The following MIA2 variants were observed in gnomAD, a reference collection of about 807,000 sequenced individuals.
MIA2 encodes the protein melanoma inhibitory activity protein 2.
A neutral mutation model predicts 167.8 loss-of-function variants in MIA2; 127 were observed. The ratio of observed to expected loss-of-function variants is 0.76; its 90% confidence interval spans 0.66 to 0.88. MIA2 has a LOEUF of 0.88. MIA2 is among the 40% of genes least tolerant of loss of function. The pLI is 0.00. For synonymous variants in MIA2, 552 were observed against 541.9 expected (o/e 1.02, Z -0.26); for missense variants, 1,690 against 1,624.7 (o/e 1.04, Z -0.69).
intron 9 of MIA2, among the ~76,000 whole-genome samples, chr14:39,287,441 G>A (rs538992015): frequency 6.6e-6 from 1 of 152,172 alleles, no homozygotes; most frequent in South Asian, 2.1e-4. Context: ...GATCTTAATG[G>A]AAAAGGTTTC....
rs761000357 is a variant in MIA2, at chr14:39,313,403, A to G, written c.3081A>G (p.Glu1027=). 1.2e-6 allele frequency: 2 copies of G among 1,604,318 alleles called. No individual in the cohort carries two copies. The highest frequency in any genetic ancestry group is 1.3e-5 in the African/African-American group (1 of 74,642). The part of the protein sequence containing the change: ...EKEEKLSKVD[E]KISHATEELE... ...AAGAGAAACTTTCTAAAGTAGATGA[A>G]AAGATCAGCCATGCCACTGAAGAGC... Residue 1027 remains glutamate, a synonymous_variant, in exon 19 of 29, where the codon GAA becomes GAG. Coordinates refer to ENST00000640607, the MANE Select transcript of MIA2 (RefSeq NM_001329214.4).
intron 13 of MIA2, among the ~76,000 whole-genome samples, chr14:39,295,372 T>A (rs535735681): frequency 1.6e-4 from 25 of 152,162 alleles, no homozygotes; most frequent in Non-Finnish European, 3.4e-4. Flanking sequence ...ACAATTCTGG[T>A]GGCAGATCAC....
chr14:39,357,615 T>G (rs1424011911), intron 23 of MIA2, among the ~76,000 whole-genome samples: 1 of 152,202 alleles, frequency 6.6e-6, no homozygotes, highest in African/African-American at 2.4e-5. Context: ...CTGGTTATTT[T>G]GCTCGTTAGT....
chr14:39,352,654 A>C (rs1408841555), downstream of MIA2, among the ~76,000 whole-genome samples: 1 of 152,058 alleles, frequency 6.6e-6, no homozygotes, highest in Non-Finnish European at 1.5e-5. Flanking sequence ...CTATAACTGT[A>C]CTTCTTCCCA....
chr14:39,246,303 GC>G (rs2054306680), intron 3 of MIA2, among the ~76,000 whole-genome samples: 1 of 151,874 alleles, frequency 6.6e-6, no homozygotes, highest in Non-Finnish European at 1.5e-5. Flanking sequence ...CGCCATGTTG[GC>G]CAGGCTGGTC....
intron 23 of MIA2, among the ~76,000 whole-genome samples, chr14:39,356,569 A>G (rs1487729252): frequency 6.6e-6 from 1 of 151,852 alleles, no homozygotes; most frequent in Admixed American, 6.6e-5. Flanking sequence ...TTCTGCTCTG[A>G]TATTACTTAT....
Position 39,277,762 on chromosome 14 carries a change from A to ATGTGTGTG in MIA2, c.2019+698_2019+699insGTGTGTGT, listed in dbSNP as rs2058355345. Reference sequence around the variant, plus strand: ...TATATATGTGTGTATATATATATATATATATATATATATATATATTTATAT... The same window carrying ATGTGTGTG: ...TATATATGTGTGTATATATATATATATGTGTGTGTATATATATATATATATATTTATAT... On this transcript the variant is annotated intron_variant, in intron 7 of 28. Coordinates refer to ENST00000640607, the MANE Select transcript of MIA2 (RefSeq NM_001329214.4). Among the ~76,000 whole-genome samples the ATGTGTGTG allele has an allele frequency of 5.7e-5, 2 of 35,346 alleles. 1 individual carries two copies. The highest frequency in any genetic ancestry group is 9.7e-5 in the Non-Finnish European group (2 of 20,628). The allele number at this position is 35,346 out of a possible 152,430, so 23.2% of individuals were successfully genotyped here. A position where few individuals can be genotyped will look rare whatever the true frequency, so the allele number is the denominator to read the frequency against.
chr14:39,247,209 T>A lies in MIA2; in HGVS notation c.635T>A (p.Val212Glu), dbSNP rs750037827. 1.2e-6 allele frequency: 2 copies of A among 1,614,096 alleles called. No individual in the cohort carries two copies. The highest frequency in any genetic ancestry group is 1.1e-5 in the South Asian group (1 of 91,068). The change falls in exon 4 of 29, where the codon GTG (valine) becomes GAG (glutamate). Residue 212 changes from valine to glutamate, a missense_variant. Val to Glu is a moderately radical substitution (Grantham distance 121, BLOSUM62 -2). Transcript: ENST00000640607. Reference sequence around the variant, plus strand: ...ATGGAACAGGATCGTATTCCAGAAGTGCATGTCCCACCATCTTCAGCTGTG... The same window carrying A: ...ATGGAACAGGATCGTATTCCAGAAGAGCATGTCCCACCATCTTCAGCTGTG... ...ESMEQDRIPE[V>E]HVPPSSAVSG...
chr14:39,279,643 G>A (rs2058646076), intron 9 of MIA2, 106 bp downstream of exon 9: 1 of 702,822 alleles, frequency 1.4e-6, no homozygotes, highest in Non-Finnish European at 2.3e-6. Flanking sequence ...TTTGTTTGCA[G>A]AGTATGAGAG....
chr14:39,313,216 G>A, intron 18 of MIA2, 124 bp from the exon 19 acceptor site: 1 of 468,618 alleles, frequency 2.1e-6, no homozygotes, highest in Non-Finnish European at 3.8e-6. Flanking sequence ...CCTTGTAGGT[G>A]ATGTTTTCAG....
At chr14:39,290,225 G>A (rs892564457) in intron 9 of MIA2, among the ~76,000 whole-genome samples, 1 of 152,116 alleles carries the variant, frequency 6.6e-6, no homozygotes, top group Admixed American at 6.6e-5. Flanking sequence ...CTTCTAGGGG[G>A]AATAGAAATG....
intron 18 of MIA2, among the ~76,000 whole-genome samples, chr14:39,311,514 G>A (rs2064266612): frequency 8.2e-6 from 1 of 122,152 alleles, no homozygotes; most frequent in South Asian, 2.8e-4. Flanking sequence ...GTCTTGCTGC[G>A]ATGCCCAGGC....
At chr14:39,295,716 C>T (rs908110125) in intron 13 of MIA2, among the ~76,000 whole-genome samples, 12 of 152,022 alleles carry the variant, frequency 7.9e-5, no homozygotes, top group East Asian at 1.9e-4. Context: ...CGCGCCTCCA[C>T]GCCCAGCTAA....
chr14:39,358,960 C>T (rs1024787788), intron 23 of MIA2, among the ~76,000 whole-genome samples: 14 of 152,204 alleles, frequency 9.2e-5, no homozygotes, highest in African/African-American at 2.7e-4. Flanking sequence ...CAGTCTGCCC[C>T]TACTGGGGGA....
chr14:39,356,861 T>C (rs1022414016), intron 23 of MIA2, among the ~76,000 whole-genome samples: 10 of 152,220 alleles, frequency 6.6e-5, no homozygotes, highest in Non-Finnish European at 2.9e-5. Context: ...GTTGAGCAGT[T>C]TTGAGTGAGT....
intron 10 of MIA2, 107 bp downstream of exon 10, chr14:39,291,203 G>A (rs1481226551): frequency 7.7e-6 from 7 of 906,260 alleles, no homozygotes; most frequent in South Asian, 6.0e-5. Flanking sequence ...ATGTGAAAGA[G>A]CATCTCTGGA....
intron 23 of MIA2, among the ~76,000 whole-genome samples, chr14:39,380,237 C>T (rs771643470): frequency 3.9e-5 from 6 of 152,200 alleles, no homozygotes; most frequent in African/African-American, 7.2e-5. Context: ...TATCTCAGGT[C>T]TTCTCCAAGG....
At chr14:39,366,014 G>C (rs1212159368) in intron 23 of MIA2, among the ~76,000 whole-genome samples, 1 of 152,136 alleles carries the variant, frequency 6.6e-6, no homozygotes, top group Non-Finnish European at 1.5e-5. Context: ...CTGTGTTGTT[G>C]GTTGGGTAGG....
At chr14:39,299,561 G>A (rs2062067958) in intron 13 of MIA2, among the ~76,000 whole-genome samples, 1 of 151,940 alleles carries the variant, frequency 6.6e-6, no homozygotes, top group South Asian at 2.1e-4. Context: ...GTACAAAATT[G>A]CACAATGATT....
Sources: gnomAD v4.1 joint callset for allele counts (sites outside exome capture counted in the v4.1 genomes callset) on GRCh38, gnomAD v4.1.1 for gene constraint, MANE v1.5 for transcripts, NCBI Gene and HGNC (gene_info 2026-07-23, HGNC 2026-07-21) for gene names.